ANK3: variants seen among roughly 807,000 people sequenced by gnomAD.
ANK3 encodes ankyrin 3.
Under a neutral mutation model 370.9 loss-of-function variants are expected in ANK3, and 57 were observed. The observed-to-expected ratio is 0.15, with a 90% confidence interval of 0.12 to 0.19. The LOEUF (loss-of-function observed/expected upper bound fraction) is 0.19, where lower values mean the gene tolerates loss of function less well. Ranked by LOEUF, ANK3 falls within the 10% of genes least tolerant of loss-of-function variation. ANK3 has a pLI of 1.00. For synonymous variants in ANK3, 1,929 were observed against 1,946.3 expected (o/e 0.99, Z 0.23); for missense variants, 4,439 against 5,302.1 (o/e 0.84, Z 5.06).
intron 2 of ANK3, among the ~76,000 whole-genome samples, chr10:60,411,394 A>G (rs1188372771): frequency 6.6e-6 from 1 of 152,216 alleles, no homozygotes; most frequent in Non-Finnish European, 1.5e-5. Context: ...TGTGCTATTA[A>G]GGATAAGTAG....
Position 60,100,401 on chromosome 10 carries a change from C to G in ANK3, c.3328+5504G>C, listed in dbSNP as rs541542884. 7.2e-5 allele frequency among the ~76,000 whole-genome samples: 11 copies of G among 152,078 alleles called. No homozygotes were observed. In the South Asian group the frequency reaches 2.3e-3, roughly 32 times the overall value. Reference sequence around the variant, plus strand: ...ATTTCACATCAGTGCTCAACTGCTTCTACAATGACTTAACACTATTGGTCT... The same window carrying G: ...ATTTCACATCAGTGCTCAACTGCTTGTACAATGACTTAACACTATTGGTCT... On this transcript the variant is annotated intron_variant, in intron 28 of 43. Transcript: ENST00000280772.
intron 4 of ANK3, among the ~76,000 whole-genome samples, chr10:60,276,028 A>T (rs1042427409): frequency 6.6e-6 from 1 of 152,206 alleles, no homozygotes; most frequent in Non-Finnish European, 1.5e-5. Context: ...GGACTAAATG[A>T]TTACTGGAAT....
At chr10:60,700,000 A>T (rs1351940004) in intron 1 of ANK3, among the ~76,000 whole-genome samples, 1 of 152,196 alleles carries the variant, frequency 6.6e-6, no homozygotes, top group Non-Finnish European at 1.5e-5. Flanking sequence ...TTAGATGCTC[A>T]TATAAATGTT....
intron 1 of ANK3, among the ~76,000 whole-genome samples, chr10:60,701,405 C>T (rs905441072): frequency 1.5e-4 from 22 of 148,386 alleles, no homozygotes; most frequent in African/African-American, 5.5e-4. Flanking sequence ...CAAAGATACA[C>T]TAGAAAAAAA....
At chr10:60,378,895 A>T (rs2061168991) in intron 1 of ANK3, among the ~76,000 whole-genome samples, 1 of 152,078 alleles carries the variant, frequency 6.6e-6, no homozygotes, top group Admixed American at 6.6e-5. Flanking sequence ...AAAAAAAAAT[A>T]AAAAACAATC....
At chr10:60,357,764 C>T (rs2057992410) in intron 1 of ANK3, among the ~76,000 whole-genome samples, 1 of 152,068 alleles carries the variant, frequency 6.6e-6, no homozygotes, top group African/African-American at 2.4e-5. Flanking sequence ...CACTTCCAGC[C>T]ATCCCTCATA....
chr10:60,092,517 A>T (rs941727579), intron 28 of ANK3, among the ~76,000 whole-genome samples: 7 of 152,230 alleles, frequency 4.6e-5, no homozygotes, highest in Non-Finnish European at 1.0e-4. Flanking sequence ...ACCCAGATTT[A>T]AAAAATGAGC....
intron 1 of ANK3, among the ~76,000 whole-genome samples, chr10:60,665,440 G>A (rs2078984352): frequency 6.6e-6 from 1 of 152,136 alleles, no homozygotes; most frequent in South Asian, 2.1e-4. Context: ...CAACAAATGT[G>A]TTGTCTGGCA....
At position 60,524,589 on chromosome 10, in the gene ANK3, C is replaced by T. The variant is rs141587297; in HGVS notation, c.96+90597G>A. Reference sequence around the variant, plus strand: ...TGACTTGCTCCTCCATGCCTTCCACCATGATTGTCAGGCCTCCTCAGCCAT... The same window carrying T: ...TGACTTGCTCCTCCATGCCTTCCACTATGATTGTCAGGCCTCCTCAGCCAT... On this transcript the variant is annotated intron_variant, in intron 2 of 43. Coordinates refer to the ANK3 transcript ENST00000373827. 5.5e-3 allele frequency among the ~76,000 whole-genome samples: 831 copies of T among 152,232 alleles called. 4 individuals carry two copies. Among genetic ancestry groups the T allele is most frequent in the Middle Eastern group, 0.01 (3 of 294 alleles).
intron 2 of ANK3, among the ~76,000 whole-genome samples, chr10:60,431,324 C>T (rs551057496): frequency 1.3e-5 from 2 of 152,242 alleles, no homozygotes; most frequent in Non-Finnish European, 1.5e-5. Flanking sequence ...TTGCTCAGTT[C>T]ACAGTAGGGT....
intron 2 of ANK3, among the ~76,000 whole-genome samples, chr10:60,601,300 G>C (rs1050729451): frequency 2.0e-5 from 3 of 151,024 alleles, no homozygotes; most frequent in Admixed American, 6.6e-5. Context: ...AAAAAAAGTA[G>C]AGTATGGAAA....
intron 1 of ANK3, among the ~76,000 whole-genome samples, chr10:60,638,791 C>A (rs1344316451): frequency 6.6e-6 from 1 of 151,844 alleles, no homozygotes; most frequent in Non-Finnish European, 1.5e-5. Flanking sequence ...ATCATAAGAA[C>A]AAAAGATCAA....
intron 1 of ANK3, among the ~76,000 whole-genome samples, chr10:60,365,336 C>G (rs934836263): frequency 6.6e-6 from 1 of 152,130 alleles, no homozygotes; most frequent in Non-Finnish European, 1.5e-5. Context: ...CCAAATTCCA[C>G]TTTAAATTCT....
intron 4 of ANK3, among the ~76,000 whole-genome samples, chr10:60,273,942 A>G (rs1488193301): frequency 6.6e-6 from 1 of 152,166 alleles, no homozygotes; most frequent in African/African-American, 2.4e-5. Flanking sequence ...TCCTTTATAA[A>G]TTACCCAGTC....
intron 2 of ANK3, among the ~76,000 whole-genome samples, chr10:60,587,638 G>A (rs1464087373): frequency 6.6e-6 from 1 of 152,064 alleles, no homozygotes; most frequent in East Asian, 1.9e-4. Context: ...GTAATAGATA[G>A]AATGGATTAA....
intron 1 of ANK3, among the ~76,000 whole-genome samples, chr10:60,349,670 T>C (rs60327050): frequency 0.021 from 3,210 of 152,262 alleles, 121 homozygotes; most frequent in African/African-American, 0.074. Flanking sequence ...CCTAATTCTT[T>C]CTAAGCACAA....
intron 1 of ANK3, among the ~76,000 whole-genome samples, chr10:60,304,255 AACACACACACAC>A (rs55989975): frequency 6.7e-6 from 1 of 150,152 alleles, no homozygotes; most frequent in African/African-American, 2.4e-5. Flanking sequence ...AATTGTTCAT[AACACACACACAC>A]ACACACACAC....
intron 28 of ANK3, among the ~76,000 whole-genome samples, chr10:60,089,273 C>T (rs1171359570): frequency 1.3e-5 from 2 of 152,308 alleles, no homozygotes; most frequent in Non-Finnish European, 2.9e-5. Flanking sequence ...ACAATCTGCT[C>T]ATTCCTTCAC....
At chr10:60,709,975 T>C (rs903386931) in intron 1 of ANK3, among the ~76,000 whole-genome samples, 2 of 152,214 alleles carry the variant, frequency 1.3e-5, no homozygotes, top group African/African-American at 4.8e-5. Context: ...GCCACAGCTG[T>C]AGACCTCAAT....
Sources: gnomAD v4.1 joint callset for allele counts (sites outside exome capture counted in the v4.1 genomes callset) on GRCh38, gnomAD v4.1.1 for gene constraint, MANE v1.5 for transcripts, NCBI Gene and HGNC (gene_info 2026-07-23, HGNC 2026-07-21) for gene names.